SLC12A7: variants seen among roughly 807,000 people sequenced by gnomAD.
SLC12A7 encodes the protein solute carrier family 12 member 7.
A neutral mutation model predicts 120.6 loss-of-function variants in SLC12A7; 100 were observed. The ratio of observed to expected loss-of-function variants is 0.83; its 90% CI spans 0.71 to 0.98. SLC12A7 has a LOEUF of 0.98. Among genes scored for constraint, SLC12A7 ranks in the 50% least tolerant of loss-of-function variants. The pLI is 0.00. For synonymous variants in SLC12A7, 760 were observed against 678.0 expected (o/e 1.12, Z -1.88); for missense variants, 1,373 against 1,548.1 (o/e 0.89, Z 1.90).
At chr5:1,142,961 C>T in the SLC12A7 span, among the ~76,000 whole-genome samples, 1 of 150,966 alleles carries the variant, frequency 6.6e-6, no homozygotes, top group Non-Finnish European at 1.5e-5. Flanking sequence ...GGCCCTGGGC[C>T]CCAGGCCCCG....
rs370067539 is a variant in SLC12A7 at position 1,103,291 on chromosome 5, C to T, written c.124+8577G>A. ...TCCCAACAGTCTGTGCAGACACCACCGCCAGTATCCTGTAAACCAGGAGAG... is the reference window on the plus strand; with the variant it reads ...TCCCAACAGTCTGTGCAGACACCACTGCCAGTATCCTGTAAACCAGGAGAG... On this transcript the variant is annotated intron_variant, in intron 1 of 23. Coordinates refer to ENST00000264930, the MANE Select transcript of SLC12A7 (RefSeq NM_006598.3). 5.3e-5 allele frequency among the ~76,000 whole-genome samples: 8 copies of T among 152,164 alleles called. No homozygotes were observed. In the South Asian group the frequency reaches 1.4e-3, roughly 28 times the overall value.
chr5:1,155,267 C>A, the SLC12A7 span, among the ~76,000 whole-genome samples: 2 of 152,178 alleles, frequency 1.3e-5, no homozygotes, highest in Non-Finnish European at 2.9e-5. Flanking sequence ...CAGCCCCGCC[C>A]AAGGCCTCAG....
chr5:1,133,821 T>C, the SLC12A7 span, among the ~76,000 whole-genome samples: 3 of 152,098 alleles, frequency 2.0e-5, 1 homozygote, highest in Middle Eastern at 3.4e-3. Flanking sequence ...TTCCCAGTAA[T>C]CCCAGGGGAG....
chr5:1,056,835 C>A (rs1006090774), intron 22 of SLC12A7, among the ~76,000 whole-genome samples: 27 of 152,216 alleles, frequency 1.8e-4, no homozygotes, highest in African/African-American at 6.5e-4. Context: ...CCCACACCCG[C>A]AAGGACCCTG....
At chr5:1,136,858 G>A in the SLC12A7 span, among the ~76,000 whole-genome samples, 2 of 128,578 alleles carry the variant, frequency 1.6e-5, no homozygotes, top group Non-Finnish European at 3.2e-5. Flanking sequence ...CAAACAGCAG[G>A]ACACGCAGGC....
the SLC12A7 span, among the ~76,000 whole-genome samples, chr5:1,123,320 A>G: frequency 6.6e-6 from 1 of 152,088 alleles, no homozygotes; most frequent in Non-Finnish European, 1.5e-5. Context: ...GAGTGGTCGC[A>G]GGGACCCCGG....
chr5:1,138,305 C>G, the SLC12A7 span, among the ~76,000 whole-genome samples: 1 of 152,298 alleles, frequency 6.6e-6, no homozygotes, highest in South Asian at 2.1e-4. Context: ...TTGACCCCAC[C>G]CACATCCTGC....
chr5:1,067,428 C>T (rs974771978), intron 17 of SLC12A7, among the ~76,000 whole-genome samples: 3 of 152,252 alleles, frequency 2.0e-5, no homozygotes, highest in African/African-American at 7.2e-5. Flanking sequence ...GCAAAGGCCA[C>T]ACAGCAGCCC....
intron 1 of SLC12A7, among the ~76,000 whole-genome samples, chr5:1,107,930 G>T (rs1378155055): frequency 2.0e-5 from 3 of 152,162 alleles, no homozygotes; most frequent in South Asian, 4.1e-4. Context: ...CCTAGACCAG[G>T]GGGAGGGAAC....
At chr5:1,081,497 G>A (rs1739101296) in intron 9 of SLC12A7, 80 bp downstream of exon 9, 2 of 1,447,842 alleles carry the variant, frequency 1.4e-6, no homozygotes, top group East Asian at 2.3e-5. Context: ...CCTCCAGCCT[G>A]GGTGACAGAG....
At chr5:1,119,145 C>T in the SLC12A7 span, among the ~76,000 whole-genome samples, 1 of 152,222 alleles carries the variant, frequency 6.6e-6, no homozygotes, top group Non-Finnish European at 1.5e-5. Context: ...GCTTTTGCAG[C>T]GCTGGAAGGC....
chr5:1,096,641 G>C (rs1215646023), intron 1 of SLC12A7, among the ~76,000 whole-genome samples: 1 of 146,342 alleles, frequency 6.8e-6, no homozygotes, highest in Non-Finnish European at 1.5e-5. Flanking sequence ...CCAGGAGCCT[G>C]GTGCAGCTAT....
intron 9 of SLC12A7, 94 bp downstream of exon 9, chr5:1,081,483 C>T: frequency 7.5e-7 from 1 of 1,326,084 alleles, no homozygotes; most frequent in Non-Finnish European, 1.0e-6. Flanking sequence ...GATCACACCA[C>T]TGCCCTCCAG....
At chr5:1,105,694 C>G (rs992843052) in intron 1 of SLC12A7, among the ~76,000 whole-genome samples, 14 of 152,244 alleles carry the variant, frequency 9.2e-5, no homozygotes, top group African/African-American at 2.9e-4. Context: ...GGTATTAACC[C>G]TTTGTGCTCT....
rs543764505 is a variant in SLC12A7 at position 1,079,344 on chromosome 5, G to T, written c.1396+54C>A. On this transcript the variant is annotated intron_variant, in intron 10 of 23. Transcript: ENST00000264930. ...TGATGCTGAGCCGGGGAGGGCATGG[G>T]GGCCTCCCCCCAGGCAGAGGCTGGA... 2.7e-4 allele frequency: 384 copies of T among 1,405,524 alleles called. 6 individuals are homozygous for T. In the South Asian group the frequency reaches 3.2e-3, roughly 12 times the overall value. The allele number at this position is 1,405,524 out of a possible 1,614,324, so 87.1% of individuals were successfully genotyped here.
upstream of SLC12A7, among the ~76,000 whole-genome samples, chr5:1,117,059 A>G (rs1393299269): frequency 1.3e-5 from 2 of 152,120 alleles, no homozygotes; most frequent in Non-Finnish European, 2.9e-5. This position sits in a 1 kb window ranked among gnomAD's most constrained non-coding sequence, Gnocchi z 4.5. Context: ...CAGCAACACC[A>G]TGAGATCAGG....
the SLC12A7 span, among the ~76,000 whole-genome samples, chr5:1,123,856 G>T: frequency 1.3e-5 from 2 of 152,240 alleles, no homozygotes; most frequent in Non-Finnish European, 2.9e-5. Context: ...AGAGAAGAGA[G>T]AAGAGGAAAC....
At chr5:1,055,527 G>A (rs963913660) in intron 22 of SLC12A7, among the ~76,000 whole-genome samples, 3 of 152,166 alleles carry the variant, frequency 2.0e-5, no homozygotes, top group South Asian at 4.1e-4. Flanking sequence ...GAAACTGCTG[G>A]GCCAAGAGAG....
intron 1 of SLC12A7, among the ~76,000 whole-genome samples, chr5:1,107,592 C>T (rs975806065): frequency 3.3e-5 from 5 of 152,202 alleles, no homozygotes; most frequent in Admixed American, 3.3e-4. Flanking sequence ...ACTTCGGCCC[C>T]GACCAGCCGC....
Sources: gnomAD v4.1 joint callset for allele counts (sites outside exome capture counted in the v4.1 genomes callset) on GRCh38, gnomAD v4.1.1 for gene constraint, Gnocchi (gnomAD v3.1) non-coding constraint, MANE v1.5 for transcripts, NCBI Gene and HGNC (gene_info 2026-07-23, HGNC 2026-07-21) for gene names.